The following AGAP1 variants were observed in gnomAD, a reference collection of about 807,000 sequenced individuals.
AGAP1 encodes arf-GAP with GTPase, ANK repeat and PH domain-containing protein 1.
A neutral mutation model predicts 105.3 loss-of-function variants in AGAP1; 29 were observed. That is an observed-to-expected ratio of 0.28 (90% CI 0.21 to 0.38). The LOEUF is 0.38. Among genes scored for constraint, AGAP1 ranks in the 10% least tolerant of loss-of-function variants. The pLI, the probability that AGAP1 is intolerant of heterozygous loss-of-function variation, is 1.00. For missense variants in AGAP1, 998 were observed against 1,165.1 expected (o/e 0.86, Z 2.09); for synonymous variants, 509 against 485.9 (o/e 1.05, Z -0.63).
rs144682980 is a variant in AGAP1 at position 235,945,488 on chromosome 2, T to C, written c.1483+14565T>C. On this transcript the variant is annotated intron_variant, in intron 12 of 17. Coordinates refer to ENST00000304032, the MANE Select transcript of AGAP1 (RefSeq NM_001037131.3). The stretch of plus-strand genomic sequence containing the variant: ...GATGTTGGTATCTGTTGCACATGTT[T>C]CAGCCTGTTTCTACAAATCTGCCTT... 2.8e-3 allele frequency among the ~76,000 whole-genome samples: 424 copies of C among 152,370 alleles called. 2 individuals carry two copies. Among genetic ancestry groups the C allele is most frequent in the Non-Finnish European group, 4.4e-3 (296 of 68,040 alleles).
intron 16 of AGAP1, among the ~76,000 whole-genome samples, chr2:236,064,041 T>A (rs1302808601): frequency 6.6e-6 from 1 of 152,192 alleles, no homozygotes. Context: ...GCTGCCACAA[T>A]GTCTTCATGC....
At chr2:235,702,083 A>G (rs563385901) in intron 1 of AGAP1, among the ~76,000 whole-genome samples, 17 of 152,086 alleles carry the variant, frequency 1.1e-4, no homozygotes, top group Non-Finnish European at 1.8e-4. Flanking sequence ...AGCCTTGTGT[A>G]TAATTTCACG....
Position 235,931,029 on chromosome 2 carries a change from C to T in AGAP1, c.1483+106C>T. 1 of 1,317,994 alleles carries T rather than the reference C, an allele frequency of 7.6e-7. No individual in the cohort carries two copies. Among genetic ancestry groups the T allele is most frequent in the Non-Finnish European group, 1.0e-6 (1 of 979,146 alleles). 81.6% of individuals were successfully genotyped at this position (1,317,994 alleles called of 1,614,324 possible). ...AAGCTCTCATGCTCCTCTGGGAGCG[C>T]AGCACCCTGTGGGGCGGCTGCATCA... is the stretch of plus-strand genomic sequence containing the variant. On this transcript the variant is annotated intron_variant, in intron 12 of 17. Transcript: ENST00000304032. This position sits in a 1 kb window ranked among gnomAD's most constrained non-coding sequence, Gnocchi z 5.6.
chr2:236,068,660 C>T (rs2058413304), intron 16 of AGAP1, among the ~76,000 whole-genome samples: 1 of 145,914 alleles, frequency 6.9e-6, no homozygotes, highest in Admixed American at 6.9e-5. Flanking sequence ...ATTAGCCGGG[C>T]GTGGTGGCGG....
chr2:236,079,489 G>T (rs759529907), intron 16 of AGAP1, among the ~76,000 whole-genome samples: 8 of 150,702 alleles, frequency 5.3e-5, no homozygotes, highest in Non-Finnish European at 3.0e-5. Context: ...AGCTGTGATC[G>T]TGCCACTGCA....
Position 235,971,745 on chromosome 2 carries a change from A to T in AGAP1, c.1645+3122A>T, listed in dbSNP as rs1337931916. On this transcript the variant is annotated intron_variant, in intron 13 of 17. Coordinates refer to ENST00000304032, the MANE Select transcript of AGAP1 (RefSeq NM_001037131.3). This position sits in a 1 kb window ranked among gnomAD's most constrained non-coding sequence, Gnocchi z 4.8. The stretch of plus-strand genomic sequence containing the variant: ...AAGCTAGTTATATATGTTTTATTTT[A>T]TTTATTTATTTATTTATTTATTTAT... Among the ~76,000 whole-genome samples the T allele has an allele frequency of 2.9e-4, 27 of 92,236 alleles. No individual in the cohort carries two copies. Among genetic ancestry groups the T allele is most frequent in the African/African-American group, 7.8e-4 (18 of 22,976 alleles). The allele number at this position is 92,236 out of a possible 152,430, so 60.5% of individuals were successfully genotyped here.
chr2:235,969,257 CT>C (rs910766117), intron 13 of AGAP1, among the ~76,000 whole-genome samples: 85 of 146,326 alleles, frequency 5.8e-4, no homozygotes, highest in East Asian at 9.9e-4. Flanking sequence ...AATGAATTCC[CT>C]TTTTTTTTTT....
In AGAP1 at chr2:235,578,408, G is replaced by A. The variant is rs1328266177; in HGVS notation, c.163+83559G>A. Among the ~76,000 whole-genome samples, 1 of 152,218 alleles carries A rather than the reference G, an allele frequency of 6.6e-6. No homozygotes were observed. On this transcript the variant is annotated intron_variant, in intron 1 of 17. Transcript: ENST00000304032. The surrounding 1 kb of genome is among the most constrained non-coding windows in gnomAD (Gnocchi z 4.9). ...CCTTTAAAAATGATGGTAAGCATGTGCCAGTGTGAATGTACTTAGTGCCAC... is the reference window on the plus strand; with the variant it reads ...CCTTTAAAAATGATGGTAAGCATGTACCAGTGTGAATGTACTTAGTGCCAC...
Position 235,633,326 on chromosome 2 carries a change from G to C in AGAP1, c.164-75853G>C, listed in dbSNP as rs868476479. On this transcript the variant is annotated intron_variant, in intron 1 of 17. Coordinates refer to ENST00000304032, the MANE Select transcript of AGAP1 (RefSeq NM_001037131.3). The surrounding 1 kb of genome is among the most constrained non-coding windows in gnomAD (Gnocchi z 4.8). Reference sequence around the variant, plus strand: ...GGGCATGAGCGGGCCGGGCGTGGTGGCTCATGCCTGTAATCCTAGCACTTT... The same window carrying C: ...GGGCATGAGCGGGCCGGGCGTGGTGCCTCATGCCTGTAATCCTAGCACTTT... Among the ~76,000 whole-genome samples the C allele has an allele frequency of 6.6e-6, 1 of 152,150 alleles. No homozygotes were observed. Among genetic ancestry groups the C allele is most frequent in the Non-Finnish European group, 1.5e-5 (1 of 68,020 alleles).
At chr2:235,525,684 G>A (rs1392335315) in intron 1 of AGAP1, among the ~76,000 whole-genome samples, 2 of 123,928 alleles carry the variant, frequency 1.6e-5, no homozygotes, top group Non-Finnish European at 3.4e-5. Flanking sequence ...GATTTATAAA[G>A]TAGAGGACTG....
In AGAP1 at chr2:235,640,000, A is replaced by C. The variant is rs115338215; in HGVS notation, c.164-69179A>C. 0.022 allele frequency among the ~76,000 whole-genome samples: 3,408 copies of C among 152,336 alleles called. 55 individuals carry two copies. The highest frequency in any genetic ancestry group is 0.034 in the Non-Finnish European group (2,340 of 68,040). ...TTTTCTTGATAGCTGGATTTGGGTT[A>C]TCTCTCAGGAAGCGGTTAGCAGTCT... On this transcript the variant is annotated intron_variant, in intron 1 of 17. Transcript: ENST00000304032. The surrounding 1 kb of genome is among the most constrained non-coding windows in gnomAD (Gnocchi z 5.3).
At chr2:235,502,565 A>G (rs1183109753) in intron 1 of AGAP1, among the ~76,000 whole-genome samples, 1 of 151,986 alleles carries the variant, frequency 6.6e-6, no homozygotes, top group Non-Finnish European at 1.5e-5. Flanking sequence ...CCGCTGTTTG[A>G]TGGGGATTGT....
At chr2:236,025,916 A>ATGGG (rs574244942) in intron 13 of AGAP1, among the ~76,000 whole-genome samples, 9 of 77,232 alleles carry the variant, frequency 1.2e-4, no homozygotes, top group Admixed American at 8.8e-4. Context: ...GGGTGGATGG[A>ATGGG]TGGATGGATG....
In AGAP1 at chr2:236,042,437, CT is replaced by C. The variant is rs1262013057; in HGVS notation, c.1891+1599del. Among the ~76,000 whole-genome samples the C allele has an allele frequency of 1.3e-5, 2 of 152,166 alleles. No homozygotes were observed. The highest frequency in any genetic ancestry group is 2.1e-4 in the South Asian group (1 of 4,820). ...CTTATGTTTGAATGTTTAAGTTTTA[CT>C]TTCAAATGTGTGGTGAAATGAAGTT... On this transcript the variant is annotated intron_variant, in intron 15 of 17. Transcript: ENST00000304032. The surrounding 1 kb of genome is among the most constrained non-coding windows in gnomAD (Gnocchi z 5.6).
rs1017150104 is a variant in AGAP1 at position 235,900,796 on chromosome 2, A to G, written c.1156-7942A>G. On this transcript the variant is annotated intron_variant, in intron 10 of 17. Transcript: ENST00000304032. This position sits in a 1 kb window ranked among gnomAD's most constrained non-coding sequence, Gnocchi z 5.5. Reference sequence around the variant, plus strand: ...GTGCATGCTACACATCTGATTGGCCAGGTGCCTTCCTCCTGCCATGGCTGC... The same window carrying G: ...GTGCATGCTACACATCTGATTGGCCGGGTGCCTTCCTCCTGCCATGGCTGC... Among the ~76,000 whole-genome samples the G allele has an allele frequency of 6.6e-6, 1 of 152,252 alleles. No homozygotes were observed. Among genetic ancestry groups the G allele is most frequent in the Admixed American group, 6.5e-5 (1 of 15,290 alleles).
chr2:235,912,947 T>C (rs920160393), intron 11 of AGAP1, among the ~76,000 whole-genome samples: 9 of 152,224 alleles, frequency 5.9e-5, no homozygotes, highest in African/African-American at 2.2e-4. Context: ...ATTGTTTAGG[T>C]GTATCCTTTG....
rs983519637 is a variant in AGAP1, at chr2:236,051,717, G to A, written c.2114+2436G>A. ...GCGACCCTGGGGGCAGGGGAGAGGG[G>A]AAGGGTTTGTCTATTCATGGGTTCT... On this transcript the variant is annotated intron_variant, in intron 16 of 17. Coordinates refer to ENST00000304032, the MANE Select transcript of AGAP1 (RefSeq NM_001037131.3). This position sits in a 1 kb window ranked among gnomAD's most constrained non-coding sequence, Gnocchi z 5.9. Among the ~76,000 whole-genome samples the A allele has an allele frequency of 6.6e-6, 1 of 152,190 alleles. No homozygotes were observed. Among genetic ancestry groups the A allele is most frequent in the Non-Finnish European group, 1.5e-5 (1 of 68,022 alleles).
intron 16 of AGAP1, among the ~76,000 whole-genome samples, chr2:236,081,842 C>T (rs577245138): frequency 1.3e-5 from 2 of 152,174 alleles, no homozygotes; most frequent in Admixed American, 6.5e-5. Context: ...CTAAATAGAA[C>T]ATTTTTCTTC....
At chr2:235,847,703 G>T (rs571272070) in intron 9 of AGAP1, among the ~76,000 whole-genome samples, 1 of 152,122 alleles carries the variant, frequency 6.6e-6, no homozygotes, top group Non-Finnish European at 1.5e-5. Flanking sequence ...TGAAACGGGC[G>T]CCTTTCTGTG....
Sources: gnomAD v4.1 joint callset for allele counts (sites outside exome capture counted in the v4.1 genomes callset) on GRCh38, gnomAD v4.1.1 for gene constraint, Gnocchi (gnomAD v3.1) non-coding constraint, MANE v1.5 for transcripts, NCBI Gene and HGNC (gene_info 2026-07-23, HGNC 2026-07-21) for gene names.